Variants in RMST observed in about 807,000 individuals in gnomAD.
RMST encodes the protein long intergenic non-protein coding RNA 54.
intron 10 of RMST, among the ~76,000 whole-genome samples, chr12:97,511,119 T>C (rs953298151): frequency 1.3e-5 from 2 of 151,872 alleles, no homozygotes; most frequent in Non-Finnish European, 2.9e-5. Context: ...TGGGCAATTA[T>C]AATAAACTCT....
At chr12:97,467,037 G>T (rs1873274017) in intron 5 of RMST, among the ~76,000 whole-genome samples, 1 of 152,010 alleles carries the variant, frequency 6.6e-6, no homozygotes, top group Non-Finnish European at 1.5e-5. Context: ...GCTGAGAAAA[G>T]AAGGAAACAA....
chr12:97,493,061 A>C (rs1877029253), intron 6 of RMST: 1 of 152,498 alleles, frequency 6.6e-6, no homozygotes. Context: ...AATCAAGCAA[A>C]GTTAACATCT....
At chr12:97,549,588 A>G (rs549173472) in intron 11 of RMST, among the ~76,000 whole-genome samples, 50 of 152,250 alleles carry the variant, frequency 3.3e-4, no homozygotes, top group Non-Finnish European at 4.3e-4. Flanking sequence ...AAGTTTAAAC[A>G]GGAAAAAGTA....
intron 5 of RMST, among the ~76,000 whole-genome samples, chr12:97,478,124 C>T (rs188474325): frequency 1.3e-5 from 2 of 152,232 alleles, no homozygotes; most frequent in Admixed American, 1.3e-4. Context: ...TCATCAAACA[C>T]TTGGTATTGG....
intron 10 of RMST, among the ~76,000 whole-genome samples, chr12:97,511,172 G>A (rs1468073274): frequency 7.0e-6 from 1 of 143,614 alleles, no homozygotes; most frequent in Non-Finnish European, 1.5e-5. Flanking sequence ...TTTTTGAGAT[G>A]GCGTCTCGCT....
chr12:97,490,020 T>C (rs1876596026), intron 5 of RMST, among the ~76,000 whole-genome samples: 1 of 152,212 alleles, frequency 6.6e-6, no homozygotes, highest in Non-Finnish European at 1.5e-5. Context: ...CTAGGCCCAA[T>C]TTAATCATTT....
intron 10 of RMST, among the ~76,000 whole-genome samples, chr12:97,523,192 A>C (rs567542003): frequency 1.3e-5 from 2 of 152,370 alleles, no homozygotes; most frequent in Admixed American, 1.3e-4. Flanking sequence ...TTGGGCCAAG[A>C]AGAGTGAATA....
exon 9 of RMST, chr12:97,494,767 C>T (rs916779376): frequency 4.6e-5 from 7 of 151,938 alleles, no homozygotes; most frequent in Admixed American, 2.6e-4. Context: ...ACTCTAACTC[C>T]GATTATTACC....
rs182009392 is a variant in RMST, at chr12:97,523,076, C to G, written n.1341-7579C>G. ...GGTAAAATATTGTTACTGATTGAAC[C>G]ATTTAGTTTCAGGTAGTCGTATAAG... On this transcript the variant is annotated intron_variant and non_coding_transcript_variant, in intron 10 of 13. Coordinates refer to ENST00000640149, the Ensembl canonical transcript of RMST. Among the ~76,000 whole-genome samples the G allele has an allele frequency of 8.2e-4, 125 of 152,224 alleles. 3 individuals carry two copies. The East Asian group carries it at 0.021, about 26-fold the overall frequency.
intron 10 of RMST, among the ~76,000 whole-genome samples, chr12:97,519,904 T>C (rs1592728193): frequency 6.6e-6 from 1 of 152,342 alleles, no homozygotes; most frequent in East Asian, 1.9e-4. Context: ...AAGACTAGCA[T>C]GTATTTACCA....
intron 10 of RMST, among the ~76,000 whole-genome samples, chr12:97,504,114 G>C (rs536219005): frequency 6.6e-6 from 1 of 151,910 alleles, no homozygotes; most frequent in Non-Finnish European, 1.5e-5. Flanking sequence ...AGGCGGTCTC[G>C]GACTCCTGGC....
intron 10 of RMST, among the ~76,000 whole-genome samples, chr12:97,524,075 C>CAAAAAAAAAAAAAAA (rs537840796): frequency 3.2e-4 from 18 of 56,128 alleles, no homozygotes; most frequent in African/African-American, 1.3e-3. Flanking sequence ...GACTCTGTCT[C>CAAAAAAAAAAAAAAA]AAAAAAAAAA....
chr12:97,495,613 A>G (rs1298729152), intron 9 of RMST, among the ~76,000 whole-genome samples: 1 of 152,116 alleles, frequency 6.6e-6, no homozygotes, highest in Non-Finnish European at 1.5e-5. Flanking sequence ...TAAAATATAT[A>G]TTATCCATGT....
intron 10 of RMST, among the ~76,000 whole-genome samples, chr12:97,497,302 T>C (rs1243125823): frequency 2.0e-5 from 3 of 152,218 alleles, no homozygotes; most frequent in Non-Finnish European, 4.4e-5. Context: ...CCCTCTGTCT[T>C]AGTAATTAGA....
chr12:97,464,351 G>A (rs996715985), intron 4 of RMST, among the ~76,000 whole-genome samples: 3 of 152,188 alleles, frequency 2.0e-5, no homozygotes, highest in Non-Finnish European at 4.4e-5. Context: ...CCGAAAAGCA[G>A]TCTGAATATG....
Position 97,549,608 on chromosome 12 carries a change from C to T in RMST, n.1546-10929C>T, listed in dbSNP as rs548897987. Among the ~76,000 whole-genome samples, 8 of 152,318 alleles carry T rather than the reference C, an allele frequency of 5.3e-5. No individual in the cohort carries two copies. In the South Asian group the frequency reaches 8.3e-4, roughly 16 times the overall value. ...TAAACAGGAAAAAGTAAACATAGAA[C>T]CATTACTCTGTTCATGCAGAGCAGT... On this transcript the variant is annotated intron_variant and non_coding_transcript_variant, in intron 11 of 13. Transcript: ENST00000640149.
At chr12:97,532,939 CT>C (rs1445789547) in intron 11 of RMST, 2 of 151,724 alleles carry the variant, frequency 1.3e-5, no homozygotes, top group East Asian at 3.9e-4. Flanking sequence ...CTGAATTATT[CT>C]GCTCAATTTA....
intron 10 of RMST, among the ~76,000 whole-genome samples, chr12:97,528,490 C>T (rs551434053): frequency 4.5e-4 from 69 of 152,220 alleles, no homozygotes; most frequent in African/African-American, 1.7e-3. Flanking sequence ...GTCCCCTCTT[C>T]CACTCAAAGA....
intron 10 of RMST, among the ~76,000 whole-genome samples, chr12:97,513,785 T>A (rs1344536173): frequency 2.0e-5 from 3 of 152,150 alleles, no homozygotes; most frequent in Non-Finnish European, 4.4e-5. Flanking sequence ...TGCCATGAAT[T>A]TTTCTGAAGA....
Sources: allele counts gnomAD v4.1 joint callset (sites outside exome capture counted in the v4.1 genomes callset), GRCh38; gene constraint gnomAD v4.1.1; transcripts MANE v1.5; gene names NCBI Gene and HGNC (gene_info 2026-07-23, HGNC 2026-07-21).